SGMS1: variants seen among roughly 807,000 people sequenced by gnomAD.
SGMS1 encodes the protein sphingomyelin synthase 1, also known as phosphatidylcholine:ceramide cholinephosphotransferase 1.
In SGMS1, 13 loss-of-function variants were observed where a neutral mutation model predicts 46.2. That is an observed-to-expected ratio of 0.28 (90% CI 0.18 to 0.45). The LOEUF (loss-of-function observed/expected upper bound fraction) is 0.45. SGMS1 is among the 20% of genes least tolerant of loss of function. The probability of loss-of-function intolerance (pLI) is 1.00; values close to 1 mark genes in which losing one functional copy is unlikely to be tolerated. For synonymous variants in SGMS1, 203 were observed against 187.8 expected, an observed-to-expected ratio of 1.08 and a Z score of -0.66; for missense variants, 324 against 519.9, an observed-to-expected ratio of 0.62 and a Z score of 3.66.
intron 1 of SGMS1, among the ~76,000 whole-genome samples, chr10:50,594,828 GTAGA>G (rs1284929946): frequency 6.6e-6 from 1 of 152,194 alleles, no homozygotes; most frequent in East Asian, 1.9e-4. Context: ...AACAATGGCA[GTAGA>G]TAATCAAAAT....
At chr10:50,531,375 A>T (rs1345467875) in intron 2 of SGMS1, among the ~76,000 whole-genome samples, 2 of 148,918 alleles carry the variant, frequency 1.3e-5, no homozygotes, top group Non-Finnish European at 3.0e-5. Flanking sequence ...ATGTTTACTT[A>T]TTTTTTTTTT....
At chr10:50,453,607 A>G (rs1210948669) in intron 5 of SGMS1, among the ~76,000 whole-genome samples, 1 of 151,272 alleles carries the variant, frequency 6.6e-6, no homozygotes, top group Admixed American at 6.6e-5. Context: ...ATGAGTGAAA[A>G]AGTCCAACAT....
chr10:50,340,319 T>G (rs936281983), intron 7 of SGMS1: 1 of 152,230 alleles, frequency 6.6e-6, no homozygotes, highest in African/African-American at 2.4e-5. Flanking sequence ...AATCCTTACA[T>G]CTTCAGCCTT....
At chr10:50,589,482 G>A (rs7099133) in intron 2 of SGMS1, among the ~76,000 whole-genome samples, 22,460 of 151,838 alleles carry the variant, frequency 0.15, 1,858 homozygotes, top group Non-Finnish European at 0.19. Context: ...TTTGGGTTTT[G>A]TTTTTTGAGA....
At chr10:50,485,160 C>T (rs189726906) in intron 3 of SGMS1, among the ~76,000 whole-genome samples, 29 of 152,198 alleles carry the variant, frequency 1.9e-4, no homozygotes, top group African/African-American at 7.0e-4. Flanking sequence ...TCGTCTCAGC[C>T]CAAAAGCTTC....
chr10:50,383,582 A>AT (rs984250441), intron 6 of SGMS1, among the ~76,000 whole-genome samples: 15 of 151,698 alleles, frequency 9.9e-5, no homozygotes, highest in Non-Finnish European at 1.9e-4. Flanking sequence ...GGATGTAGAA[A>AT]TTTTTTTTTA....
At chr10:50,368,341 T>C (rs933821521) in intron 6 of SGMS1, among the ~76,000 whole-genome samples, 1 of 152,138 alleles carries the variant, frequency 6.6e-6, no homozygotes, top group Non-Finnish European at 1.5e-5. Context: ...TCTTGCTTTA[T>C]ACTAATTTTT....
intron 1 of SGMS1, among the ~76,000 whole-genome samples, chr10:50,598,268 C>T (rs940996586): frequency 3.9e-5 from 6 of 151,930 alleles, no homozygotes; most frequent in African/African-American, 1.5e-4. Flanking sequence ...AGAAGGCATC[C>T]ATCTATGAAG....
At chr10:50,595,951 A>C (rs1429249471) in intron 1 of SGMS1, among the ~76,000 whole-genome samples, 2 of 152,134 alleles carry the variant, frequency 1.3e-5, no homozygotes, top group East Asian at 3.9e-4. Context: ...GATATCTTTT[A>C]TTTCAAAGGG....
chr10:50,618,503 A>C (rs2131943205), intron 1 of SGMS1, among the ~76,000 whole-genome samples: 1 of 151,698 alleles, frequency 6.6e-6, no homozygotes, highest in East Asian at 1.9e-4. Context: ...AAGAAATTAT[A>C]ATCACTAATG....
chr10:50,376,215 T>C (rs1380624701), intron 6 of SGMS1, among the ~76,000 whole-genome samples: 4 of 152,152 alleles, frequency 2.6e-5, no homozygotes, highest in Non-Finnish European at 5.9e-5. Context: ...ATAGAGGATA[T>C]ACACTAAAAT....
chr10:50,556,521 AC>A (rs956800864), intron 2 of SGMS1, among the ~76,000 whole-genome samples: 23 of 152,326 alleles, frequency 1.5e-4, no homozygotes, highest in African/African-American at 5.3e-4. Context: ...AAACAGGTGT[AC>A]CACAGGAACA....
At chr10:50,407,043 T>C (rs1849025167) in intron 6 of SGMS1, among the ~76,000 whole-genome samples, 1 of 152,216 alleles carries the variant, frequency 6.6e-6, no homozygotes, top group Non-Finnish European at 1.5e-5. Flanking sequence ...TATTAAACTT[T>C]CCTTGTTTAA....
chr10:50,371,553 ATACTT>A (rs1848435886), intron 6 of SGMS1, among the ~76,000 whole-genome samples: 1 of 152,232 alleles, frequency 6.6e-6, no homozygotes, highest in Non-Finnish European at 1.5e-5. Flanking sequence ...ACTGCACACT[ATACTT>A]CAATTACTTT....
At chr10:50,374,876 G>T (rs779216784) in intron 6 of SGMS1, among the ~76,000 whole-genome samples, 1 of 152,154 alleles carries the variant, frequency 6.6e-6, no homozygotes, top group Non-Finnish European at 1.5e-5. Context: ...TCAAGCCTCT[G>T]TTCAAATATC....
intron 3 of SGMS1, among the ~76,000 whole-genome samples, chr10:50,486,804 C>T (rs1276737298): frequency 6.6e-6 from 1 of 152,196 alleles, no homozygotes; most frequent in African/African-American, 2.4e-5. Flanking sequence ...AATCCCATTA[C>T]TGGATATATA....
At chr10:50,611,842 C>T (rs911387907) in intron 1 of SGMS1, among the ~76,000 whole-genome samples, 6 of 152,094 alleles carry the variant, frequency 3.9e-5, no homozygotes, top group Admixed American at 2.0e-4. Flanking sequence ...TAAAACATTC[C>T]TCTTCTCTGT....
chr10:50,610,481 G>A (rs868745870), intron 1 of SGMS1, among the ~76,000 whole-genome samples: 1 of 152,092 alleles, frequency 6.6e-6, no homozygotes, highest in African/African-American at 2.4e-5. Flanking sequence ...GCCTTGAAAC[G>A]AATGAGCAAA....
intron 7 of SGMS1, chr10:50,334,445 C>G (rs1359319371): frequency 1.3e-5 from 2 of 152,158 alleles, no homozygotes; most frequent in Non-Finnish European, 2.9e-5. Context: ...ATCATCAAAA[C>G]TTAACCACCT....
Sources: allele counts gnomAD v4.1 joint callset (sites outside exome capture counted in the v4.1 genomes callset), GRCh38; gene constraint gnomAD v4.1.1; transcripts MANE v1.5; gene names NCBI Gene and HGNC (gene_info 2026-07-23, HGNC 2026-07-21).